Variants in CSGALNACT1 observed in about 807,000 individuals in gnomAD.
The protein encoded by CSGALNACT1 is beta4GalNAcT-1.
A neutral mutation model predicts 51.0 loss-of-function variants in CSGALNACT1; 52 were observed. The observed-to-expected ratio is 1.02, with a 90% confidence interval of 0.82 to 1.29. The LOEUF is 1.29. CSGALNACT1 is among the 50% of genes most tolerant of loss of function. CSGALNACT1 has a pLI of 0.00. For synonymous variants in CSGALNACT1, 341 were observed against 254.4 expected, an observed-to-expected ratio of 1.34 and a Z score of -3.24; for missense variants, 935 against 679.2, an observed-to-expected ratio of 1.38 and a Z score of -4.19.
intron 1 of CSGALNACT1, among the ~76,000 whole-genome samples, chr8:19,621,528 C>T (rs2053824816): frequency 6.6e-6 from 1 of 151,972 alleles, no homozygotes; most frequent in African/African-American, 2.4e-5. Context: ...TATGTGTAAT[C>T]CAAGCACTTT....
intron 4 of CSGALNACT1, among the ~76,000 whole-genome samples, chr8:19,466,137 A>G (rs951281547): frequency 1.3e-5 from 2 of 152,202 alleles, no homozygotes; most frequent in African/African-American, 4.8e-5. Flanking sequence ...GGGGATTTTT[A>G]ATGGAAAAAA....
chr8:19,523,720 T>C (rs986218893), intron 3 of CSGALNACT1, among the ~76,000 whole-genome samples: 3 of 152,176 alleles, frequency 2.0e-5, no homozygotes, highest in Non-Finnish European at 4.4e-5. Context: ...GAAGGGACCA[T>C]ACCAATTATC....
At chr8:19,602,979 T>C (rs952704465), upstream of CSGALNACT1, among the ~76,000 whole-genome samples, 5 of 151,206 alleles carry the variant, frequency 3.3e-5, no homozygotes, top group Non-Finnish European at 7.4e-5. Flanking sequence ...TATTTTTATA[T>C]ATATATATAC....
At chr8:19,591,886 T>G (rs2047898138) in intron 2 of CSGALNACT1, among the ~76,000 whole-genome samples, 2 of 152,198 alleles carry the variant, frequency 1.3e-5, no homozygotes, top group Non-Finnish European at 1.5e-5. Context: ...ATTATAGTAT[T>G]TTTAAAAATC....
chr8:19,440,038 G>A lies in CSGALNACT1; in HGVS notation c.852-107C>T, dbSNP rs141535925. 2.7e-4 allele frequency: 245 copies of A among 902,172 alleles called. No individual in the cohort carries two copies. In the East Asian group the frequency reaches 6.0e-3, roughly 22 times the overall value. 55.9% of individuals were successfully genotyped at this position (902,172 alleles called of 1,614,324 possible). On this transcript the variant is annotated intron_variant, in intron 5 of 9. Transcript: ENST00000454498. ...GCAAAAGGGTCTTGAAGGAAACTAG[G>A]TAAACTTCCAGGAGAGCCGAGATGG... is the stretch of plus-strand genomic sequence containing the variant.
chr8:19,463,218 C>T (rs1453157501), intron 4 of CSGALNACT1, among the ~76,000 whole-genome samples: 1 of 152,110 alleles, frequency 6.6e-6, no homozygotes, highest in Non-Finnish European at 1.5e-5. Flanking sequence ...TTATCCAGTC[C>T]ACTGCTGATG....
At chr8:19,694,531 G>A (rs1414183290) in intron 1 of CSGALNACT1, among the ~76,000 whole-genome samples, 1 of 152,244 alleles carries the variant, frequency 6.6e-6, no homozygotes, top group Admixed American at 6.5e-5. Flanking sequence ...ATTGGAGCCA[G>A]GACTGGCAAA....
intron 4 of CSGALNACT1, among the ~76,000 whole-genome samples, chr8:19,464,075 C>G (rs2066141083): frequency 6.6e-6 from 1 of 152,222 alleles, no homozygotes; most frequent in African/African-American, 2.4e-5. Context: ...AGATGTCACA[C>G]TACTGAGCCT....
intron 3 of CSGALNACT1, among the ~76,000 whole-genome samples, chr8:19,548,828 C>G (rs955496381): frequency 6.6e-6 from 1 of 152,096 alleles, no homozygotes; most frequent in African/African-American, 2.4e-5. Context: ...CCATGCTTAT[C>G]CCTTTATTTG....
chr8:19,705,556 T>G (rs1436751921), intron 1 of CSGALNACT1, among the ~76,000 whole-genome samples: 2 of 152,152 alleles, frequency 1.3e-5, no homozygotes, highest in East Asian at 3.9e-4. Context: ...GGCAATATGA[T>G]GAAACACCAT....
intron 4 of CSGALNACT1, among the ~76,000 whole-genome samples, chr8:19,501,497 C>T (rs1370773183): frequency 6.6e-6 from 1 of 152,156 alleles, no homozygotes; most frequent in Non-Finnish European, 1.5e-5. Context: ...TCCATCTCAT[C>T]TCAAAATCAA....
At chr8:19,637,980 C>T (rs896243065) in intron 1 of CSGALNACT1, among the ~76,000 whole-genome samples, 6 of 151,998 alleles carry the variant, frequency 3.9e-5, no homozygotes, top group Non-Finnish European at 7.4e-5. Context: ...CTGGTTAAAC[C>T]GAAGGAAGCA....
At chr8:19,694,724 T>C (rs1025808727) in intron 1 of CSGALNACT1, among the ~76,000 whole-genome samples, 1 of 152,232 alleles carries the variant, frequency 6.6e-6, no homozygotes, top group Non-Finnish European at 1.5e-5. Flanking sequence ...TTCTGAGCCC[T>C]TCTTTAGTTG....
chr8:19,503,777 T>C (rs551988420), intron 4 of CSGALNACT1, among the ~76,000 whole-genome samples: 2 of 150,492 alleles, frequency 1.3e-5, no homozygotes, highest in African/African-American at 5.0e-5. Flanking sequence ...TTCATATGAA[T>C]GAGTTTTTTT....
At chr8:19,527,613 A>G (rs1371130331) in intron 3 of CSGALNACT1, among the ~76,000 whole-genome samples, 2 of 152,244 alleles carry the variant, frequency 1.3e-5, no homozygotes, top group Non-Finnish European at 2.9e-5. Context: ...CCATGTCAAA[A>G]AAATAAAGGA....
At chr8:19,524,703 G>A (rs1206898560) in intron 3 of CSGALNACT1, among the ~76,000 whole-genome samples, 1 of 152,140 alleles carries the variant, frequency 6.6e-6, no homozygotes, top group Non-Finnish European at 1.5e-5. Context: ...CCTATTAAAA[G>A]CCTCTAATGT....
At chr8:19,465,415 T>C (rs1489873697) in intron 4 of CSGALNACT1, among the ~76,000 whole-genome samples, 1 of 152,202 alleles carries the variant, frequency 6.6e-6, no homozygotes, top group African/African-American at 2.4e-5. Context: ...ACTCTGAAGA[T>C]GGATGGTGGT....
At chr8:19,437,445 A>G (rs1037899540) in intron 6 of CSGALNACT1, among the ~76,000 whole-genome samples, 1 of 152,110 alleles carries the variant, frequency 6.6e-6, no homozygotes, top group African/African-American at 2.4e-5. Flanking sequence ...AGAGTGTGGT[A>G]TGGTACTGTG....
At chr8:19,737,776 T>C (rs950170939) in intron 1 of CSGALNACT1, among the ~76,000 whole-genome samples, 5 of 152,220 alleles carry the variant, frequency 3.3e-5, no homozygotes, top group Non-Finnish European at 7.4e-5. Context: ...AGCTAAATGC[T>C]ATTTTCACTT....
Sources: allele counts gnomAD v4.1 joint callset (sites outside exome capture counted in the v4.1 genomes callset), GRCh38; gene constraint gnomAD v4.1.1; transcripts MANE v1.5; gene names NCBI Gene and HGNC (gene_info 2026-07-23, HGNC 2026-07-21).